The following PTPRB variants were observed in gnomAD, a reference collection of about 807,000 sequenced individuals.
PTPRB encodes the protein protein tyrosine phosphatase receptor type B, also known as receptor-type tyrosine-protein phosphatase beta.
PTPRB carries 97 observed loss-of-function variants against 238.1 expected under a neutral mutation model. The observed-to-expected ratio is 0.41, with a 90% CI of 0.35 to 0.48. PTPRB has a LOEUF of 0.48. Ranked by LOEUF, PTPRB falls within the 20% of genes least tolerant of loss-of-function variation. The pLI is 0.30. For missense variants in PTPRB, 2,292 were observed against 2,681.9 expected, an observed-to-expected ratio of 0.85 and a Z score of 3.21; for synonymous variants, 970 against 995.4, an observed-to-expected ratio of 0.97 and a Z score of 0.48.
intron 32 of PTPRB, among the ~76,000 whole-genome samples, chr12:70,529,314 T>C (rs930791268): frequency 1.3e-5 from 2 of 152,254 alleles, no homozygotes; most frequent in South Asian, 2.1e-4. Flanking sequence ...AAATGCATTA[T>C]GAGTTTGGGG....
At chr12:70,581,331 A>G (rs1309217249) in intron 9 of PTPRB, 29 bp from the exon 10 acceptor site, 1 of 1,574,754 alleles carries the variant, frequency 6.4e-7, no homozygotes, top group Admixed American at 1.9e-5. Flanking sequence ...GAAAAAACAA[A>G]TGACACTTAG....
chr12:70,625,203 A>G (rs899285765), intron 2 of PTPRB, among the ~76,000 whole-genome samples: 1 of 152,190 alleles, frequency 6.6e-6, no homozygotes, highest in Non-Finnish European at 1.5e-5. Flanking sequence ...TTAAGAAGCA[A>G]GAAAGAAGAT....
At chr12:70,566,313 C>T (rs1592492749) in intron 15 of PTPRB, 122 bp downstream of exon 15, 12 of 1,260,490 alleles carry the variant, frequency 9.5e-6, no homozygotes, top group East Asian at 5.0e-5. Context: ...GGTGAATGTT[C>T]CCAGCGTATC....
intron 4 of PTPRB, among the ~76,000 whole-genome samples, chr12:70,602,107 C>A (rs1883560878): frequency 6.6e-6 from 1 of 152,082 alleles, no homozygotes; most frequent in Non-Finnish European, 1.5e-5. Flanking sequence ...GAGATAATTT[C>A]TTTTACTTTG....
rs1450994731 is a variant in PTPRB at position 70,532,146 on chromosome 12, G to A, written c.6393C>T (p.Thr2131=). The change falls in exon 32 of 34, where the codon ACC becomes ACT. Residue 2131 remains threonine, a synonymous_variant. Coordinates refer to ENST00000334414, the MANE Select transcript of PTPRB (RefSeq NM_001109754.4). The stretch of plus-strand genomic sequence containing the variant: ...GGAGGATTCGGTCCAATGCAATAAA[G>A]GTTCCAGTCCTACCCACACCAGCAC... ...HCSAGVGRTG[T]FIALDRILQQ... The A allele has an allele frequency of 1.2e-6, 2 of 1,613,170 alleles. No homozygotes were observed. Among genetic ancestry groups the A allele is most frequent in the Admixed American group, 3.3e-5 (2 of 59,884 alleles).
Position 70,596,266 on chromosome 12 carries a change from A to G in PTPRB, c.1041T>C (p.His347=). 1 of 1,612,812 alleles carries G rather than the reference A, an allele frequency of 6.2e-7. No individual in the cohort carries two copies. Among genetic ancestry groups the G allele is most frequent in the Non-Finnish European group, 8.5e-7 (1 of 1,179,546 alleles). ...TTCCGGAAGAAGGAGTCCACCAAAC[A>G]TGCAAGCTGGTTGAAGTCGTCTTCT... ...SKEKTTSTSL[H]VWWTPSSGKV... is the part of the protein sequence containing the mutation. Residue 347 remains histidine, a synonymous_variant, in exon 5 of 34, where the codon CAT becomes CAC. Transcript: ENST00000334414.
At chr12:70,609,872 A>T (rs1884306905) in intron 3 of PTPRB, 3 of 1,523,058 alleles carry the variant, frequency 2.0e-6, no homozygotes, top group African/African-American at 1.4e-5. Context: ...GGACGGCCCG[A>T]GGGCCGGGGC....
chr12:70,632,952 A>G (rs1445553504), intron 2 of PTPRB, among the ~76,000 whole-genome samples: 1 of 152,238 alleles, frequency 6.6e-6, no homozygotes, highest in Non-Finnish European at 1.5e-5. Flanking sequence ...GCTCTGGCAC[A>G]TAGTAGGTGT....
Position 70,555,976 on chromosome 12 carries a change from G to C in PTPRB, c.4887C>G (p.Asn1629Lys). Residue 1629 changes from asparagine (N) to lysine (K), a missense_variant, in exon 19 of 34, where the codon AAC (asparagine) becomes AAG (lysine). By Grantham distance (94) the Asn-to-Lys change is moderately conservative. Coordinates refer to ENST00000334414, the MANE Select transcript of PTPRB (RefSeq NM_001109754.4). Reference sequence around the variant, plus strand: ...TCTTATGGGGCACTAGCATCATGATGTTGAGCAGAGATTTTTCTTTCTCCA... The same window carrying C: ...TCTTATGGGGCACTAGCATCATGATCTTGAGCAGAGATTTTTCTTTCTCCA... ...RKLEKEKSLL[N>K]IMMLVPHKRY... is the part of the protein sequence containing the mutation. 6.2e-7 allele frequency: 1 copy of C among 1,613,962 alleles called. No individual in the cohort carries two copies. Among genetic ancestry groups the C allele is most frequent in the Non-Finnish European group, 8.5e-7 (1 of 1,179,890 alleles).
intron 3 of PTPRB, among the ~76,000 whole-genome samples, chr12:70,619,784 A>G (rs2136572560): frequency 6.6e-6 from 1 of 152,312 alleles, no homozygotes; most frequent in Non-Finnish European, 1.5e-5. Context: ...TTTTTACACA[A>G]TTCCAAGCAA....
intron 18 of PTPRB, 39 bp from the exon 19 acceptor site, chr12:70,556,187 G>A: frequency 1.9e-6 from 3 of 1,541,702 alleles, no homozygotes; most frequent in Non-Finnish European, 2.6e-6. Context: ...TCAGAACTCA[G>A]GGAGAATTTT....
chr12:70,536,321 AG>A (rs1442404035), intron 28 of PTPRB, among the ~76,000 whole-genome samples, 162 bp from the exon 29 acceptor site: 1 of 152,214 alleles, frequency 6.6e-6, no homozygotes, highest in African/African-American at 2.4e-5. Flanking sequence ...GGAAGGACAA[AG>A]GTCAGAACAT....
chr12:70,562,822 A>G (rs1878672170), intron 16 of PTPRB, 22 bp downstream of exon 16: 2 of 1,607,972 alleles, frequency 1.2e-6, no homozygotes, highest in African/African-American at 2.7e-5. Context: ...ACGATTCATT[A>G]CTGCTTGGGT....
chr12:70,547,513 CT>C (rs1876171772), intron 21 of PTPRB, among the ~76,000 whole-genome samples: 4 of 135,990 alleles, frequency 2.9e-5, no homozygotes, highest in Non-Finnish European at 6.2e-5. Context: ...TCTTTCTTTT[CT>C]TTCCTTCCTT....
At chr12:70,565,420 CTG>C (rs1242472339) in intron 15 of PTPRB, among the ~76,000 whole-genome samples, 3 of 152,186 alleles carry the variant, frequency 2.0e-5, no homozygotes, top group African/African-American at 7.2e-5. Context: ...GACAGACTGT[CTG>C]TACAAAGTAT....
intron 10 of PTPRB, among the ~76,000 whole-genome samples, chr12:70,578,677 A>G (rs1388507260): frequency 6.6e-6 from 1 of 152,184 alleles, no homozygotes; most frequent in Non-Finnish European, 1.5e-5. Flanking sequence ...TTTAAGTCCC[A>G]CTTACTTAAA....
intron 3 of PTPRB, chr12:70,609,656 C>A (rs1592587913): frequency 8.0e-7 from 1 of 1,247,676 alleles, no homozygotes; most frequent in Admixed American, 2.1e-5. Context: ...AATTTTGCCA[C>A]CTCCCTCTTC....
chr12:70,587,629 T>C (rs983732566), intron 8 of PTPRB, among the ~76,000 whole-genome samples: 2 of 152,190 alleles, frequency 1.3e-5, no homozygotes, highest in Non-Finnish European at 2.9e-5. Context: ...TTAGGAGTAT[T>C]TGTTACCCCC....
In PTPRB at chr12:70,562,998, G is replaced by T; in HGVS notation, c.4014C>A (p.Tyr1338Ter). ...TCTCCTGGAGATTCCCATCTGGGTT[G>T]TACAAAAAGATGTTGTACCAGCTGA... ...GELSWYNIFL[Y>*]NPDGNLQERA... The change falls in exon 16 of 34, where the codon TAC (tyrosine) becomes TAA (stop). Residue 1338 changes from tyrosine (Y) to a stop codon, truncating the protein, a stop_gained. Coordinates refer to ENST00000334414, the MANE Select transcript of PTPRB (RefSeq NM_001109754.4). LOFTEE classifies it high-confidence loss of function. 6.2e-7 allele frequency: 1 copy of T among 1,613,996 alleles called. No homozygotes were observed. The highest frequency in any genetic ancestry group is 2.2e-5 in the East Asian group (1 of 44,882).
Sources: allele counts gnomAD v4.1 joint callset (sites outside exome capture counted in the v4.1 genomes callset), GRCh38; gene constraint gnomAD v4.1.1; transcripts MANE v1.5; gene names NCBI Gene and HGNC (gene_info 2026-07-23, HGNC 2026-07-21).